The following ZNF799 variants were observed in gnomAD, a reference collection of about 807,000 sequenced individuals.
ZNF799 encodes the protein zinc finger protein 14.
Under a neutral mutation model 41.0 loss-of-function variants are expected in ZNF799, and 28 were observed. The observed-to-expected ratio is 0.68, with a 90% CI of 0.51 to 0.94. The LOEUF is 0.94. ZNF799 is among the 40% of genes least tolerant of loss of function. The pLI, the probability that ZNF799 is intolerant of heterozygous loss-of-function variation, is 0.00. For missense variants in ZNF799, 716 were observed against 764.3 expected, an observed-to-expected ratio of 0.94 and a Z score of 0.74; for synonymous variants, 213 against 252.9, an observed-to-expected ratio of 0.84 and a Z score of 1.50.
intron 1 of ZNF799, among the ~76,000 whole-genome samples, chr19:12,397,727 A>C (rs1290445887): frequency 6.6e-6 from 1 of 152,168 alleles, no homozygotes; most frequent in Admixed American, 6.5e-5. Context: ...TAAAACAATT[A>C]TATATGTACA....
chr19:12,392,046 G>A lies in ZNF799; in HGVS notation c.352C>T (p.Leu118Phe). ...GCACCAACTCTGATGTAACAATTAAGGGATGAATGACCCATGATGACTTCT... is the reference window on the plus strand; with the variant it reads ...GCACCAACTCTGATGTAACAATTAAAGGATGAATGACCCATGATGACTTCT... The part of the protein sequence containing the change: ...SGEVIMGHSS[L>F]NCYIRVGAGH... The change falls in exon 4 of 4, where the codon CTT becomes TTT. Residue 118 changes from leucine to phenylalanine, a missense_variant. Transcript: ENST00000430385. The A allele has an allele frequency of 6.2e-7, 1 of 1,614,130 alleles. No individual in the cohort carries two copies. Among genetic ancestry groups the A allele is most frequent in the Non-Finnish European group, 8.5e-7 (1 of 1,180,020 alleles).
intron 1 of ZNF799, chr19:12,398,258 C>CAAAAA (rs59451897): frequency 5.3e-5 from 4 of 75,454 alleles, no homozygotes; most frequent in African/African-American, 1.9e-4. Context: ...GACGCTGTCT[C>CAAAAA]AAAAAAAAAA....
chr19:12,391,212 T>G lies in ZNF799; in HGVS notation c.1186A>C (p.Lys396Gln), dbSNP rs553762868. 6 of 1,614,210 alleles carry G rather than the reference T, an allele frequency of 3.7e-6. No homozygotes were observed. The East Asian group carries it at 1.1e-4, about 30-fold the overall frequency. ...MHTGDGPHKC[K>Q]ICGKAFVYPS... ...TAAACAAAGGCTTTCCCACATATCT[T>G]GCATTTGTGAGGTCCATCTCCAGTG... Residue 396 changes from lysine (K) to glutamine (Q), a missense_variant, in exon 4 of 4, where the codon AAG becomes CAG. Around this residue, in one of 2 missense-constraint regions of ZNF799, gnomAD observed 698 missense variants for 713.6 expected, o/e 0.98. Coordinates refer to ENST00000430385, the MANE Select transcript of ZNF799 (RefSeq NM_001080821.3).
At chr19:12,392,547 A>C (rs114079253) in intron 3 of ZNF799, 56 bp downstream of exon 3, 20 of 1,452,570 alleles carry the variant, frequency 1.4e-5, no homozygotes, top group Non-Finnish European at 1.2e-5. Context: ...TTAAATTTTC[A>C]TATCATTCTC....
chr19:12,394,727 A>G (rs1969870601), intron 1 of ZNF799: 5 of 985,126 alleles, frequency 5.1e-6, no homozygotes, highest in Non-Finnish European at 6.0e-6. Context: ...ATGAATATTT[A>G]TAATACTTAC....
At chr19:12,393,871 G>T in intron 1 of ZNF799, 3 of 436,524 alleles carry the variant, frequency 6.9e-6, no homozygotes, top group South Asian at 6.8e-5. Context: ...GGCCCCAGGA[G>T]CGTAACTAAT....
upstream of ZNF799, among the ~76,000 whole-genome samples, chr19:12,401,541 C>CTTTTTT (rs769048606): frequency 4.8e-5 from 2 of 41,728 alleles, no homozygotes; most frequent in African/African-American, 1.1e-4. Flanking sequence ...AACAATTATA[C>CTTTTTT]TTTTTTTTTT....
the ZNF799 span, among the ~76,000 whole-genome samples, chr19:12,411,891 G>A: frequency 5.3e-5 from 8 of 152,088 alleles, no homozygotes; most frequent in African/African-American, 1.9e-4. Flanking sequence ...AAGATTACAG[G>A]CATGAGCCAC....
chr19:12,408,748 A>C, the ZNF799 span, among the ~76,000 whole-genome samples: 1,970 of 152,280 alleles, frequency 0.013, 39 homozygotes, highest in African/African-American at 0.045. Context: ...AAAATGCATA[A>C]GGTGGCTGGG....
chr19:12,404,409 G>T (rs1970016371), upstream of ZNF799, among the ~76,000 whole-genome samples: 2 of 152,058 alleles, frequency 1.3e-5, no homozygotes, highest in African/African-American at 4.8e-5. Context: ...AGCTATTATT[G>T]TATTGGTCTC....
At chr19:12,412,180 G>C in the ZNF799 span, among the ~76,000 whole-genome samples, 1 of 152,082 alleles carries the variant, frequency 6.6e-6, no homozygotes, top group East Asian at 1.9e-4. Flanking sequence ...GGGAACTTGC[G>C]CATACTTCCT....
chr19:12,396,621 C>T (rs1969897314), intron 1 of ZNF799, among the ~76,000 whole-genome samples: 1 of 152,128 alleles, frequency 6.6e-6, no homozygotes, highest in Non-Finnish European at 1.5e-5. Flanking sequence ...TGCACTTCAG[C>T]CTGGGCAACA....
chr19:12,402,914 G>T (rs1970008049), upstream of ZNF799, among the ~76,000 whole-genome samples: 1 of 152,156 alleles, frequency 6.6e-6, no homozygotes, highest in Non-Finnish European at 1.5e-5. Flanking sequence ...ACATGTCTTT[G>T]TCTGGTTTTG....
intron 2 of ZNF799, 83 bp from the exon 3 acceptor site, chr19:12,392,746 G>C (rs1296778587): frequency 6.4e-6 from 7 of 1,091,300 alleles, no homozygotes; most frequent in African/African-American, 6.3e-5. Flanking sequence ...CACTGCAATC[G>C]TTCAAAATGC....
chr19:12,400,875 C>A, intron 1 of ZNF799, 193 bp downstream of exon 1: 3 of 951,790 alleles, frequency 3.2e-6, no homozygotes, highest in Non-Finnish European at 3.1e-6. Context: ...CGCGCAGGAA[C>A]GGGACAGGAC....
chr19:12,405,621 G>T (rs1477175848), upstream of ZNF799, among the ~76,000 whole-genome samples: 3 of 152,094 alleles, frequency 2.0e-5, no homozygotes, highest in African/African-American at 7.2e-5. Flanking sequence ...AAATCTGTCA[G>T]AACACTGAAT....
Position 12,391,830 on chromosome 19 carries a change from C to G in ZNF799, c.568G>C (p.Val190Leu), listed in dbSNP as rs531178008. ...SLGNLQRHMA[V>L]QRGDGPYKCK... ...TTATAAGGTCCATCTCCACGCTGCA[C>G]TGCCATGTGTCTTTGAAGGTTTCCC... The change falls in exon 4 of 4, where the codon GTG becomes CTG. Residue 190 changes from valine to leucine, a missense_variant. Transcript: ENST00000430385. The G allele has an allele frequency of 6.2e-7, 1 of 1,614,168 alleles. No homozygotes were observed. The highest frequency in any genetic ancestry group is 2.2e-5 in the East Asian group (1 of 44,882).
intron 3 of ZNF799, 143 bp downstream of exon 3, chr19:12,392,460 T>C: frequency 5.0e-6 from 4 of 792,578 alleles, no homozygotes; most frequent in Non-Finnish European, 8.2e-6. Context: ...TATGGAACAT[T>C]TAAGTATATA....
chr19:12,402,074 C>T (rs911826581), upstream of ZNF799, among the ~76,000 whole-genome samples: 5 of 152,352 alleles, frequency 3.3e-5, no homozygotes, highest in Non-Finnish European at 7.3e-5. Context: ...GGTAACCATC[C>T]TTCTACACGT....
Sources: gnomAD v4.1 joint callset for allele counts (sites outside exome capture counted in the v4.1 genomes callset) on GRCh38, gnomAD v4.1.1 for gene constraint, gnomAD v4.1.1 regional missense constraint, MANE v1.5 for transcripts, NCBI Gene and HGNC (gene_info 2026-07-23, HGNC 2026-07-21) for gene names.